Variants in TMTC2 observed in about 807,000 individuals in gnomAD.
TMTC2 encodes protein O-mannosyl-transferase TMTC2.
Under a neutral mutation model 82.4 loss-of-function variants are expected in TMTC2, and 43 were observed. The ratio of observed to expected loss-of-function variants is 0.52; its 90% CI spans 0.41 to 0.67. TMTC2 has a LOEUF of 0.67. TMTC2 is among the 30% of genes least tolerant of loss of function. The probability of loss-of-function intolerance (pLI) is 0.00; values close to 1 mark genes in which losing one functional copy is unlikely to be tolerated. For synonymous variants in TMTC2, 408 were observed against 381.9 expected (o/e 1.07, Z -0.80); for missense variants, 919 against 1,012.4 (o/e 0.91, Z 1.25).
intron 1 of TMTC2, among the ~76,000 whole-genome samples, chr12:82,789,362 A>G (rs1282445518): frequency 6.6e-6 from 1 of 152,170 alleles, no homozygotes; most frequent in East Asian, 1.9e-4. Context: ...GGAGGAACAA[A>G]TAGGCTTAAG....
intron 9 of TMTC2, among the ~76,000 whole-genome samples, chr12:83,045,166 A>G (rs1393392267): frequency 1.3e-5 from 2 of 152,194 alleles, no homozygotes; most frequent in Admixed American, 6.5e-5. Context: ...ACTTTAGCCC[A>G]TGAGGAGATT....
chr12:83,036,662 T>C (rs1881676166), intron 9 of TMTC2, among the ~76,000 whole-genome samples: 1 of 152,138 alleles, frequency 6.6e-6, no homozygotes, highest in Admixed American at 6.5e-5. Context: ...AATCCGGAAC[T>C]TTCTACTGTT....
In TMTC2 at chr12:82,827,864, A is replaced by AT. The variant is rs752193757; in HGVS notation, c.84-29137dup. On this transcript the variant is annotated intron_variant, in intron 1 of 11. Transcript: ENST00000321196. The stretch of plus-strand genomic sequence containing the variant: ...GGATGCCTGCCACCATGTCCAGCTT[A>AT]TTTTTTTTTCTTTTTCTTTTTTCGT... Among the ~76,000 whole-genome samples the AT allele has an allele frequency of 7.4e-3, 1,039 of 140,782 alleles. 7 individuals carry two copies. The highest frequency in any genetic ancestry group is 0.012 in the Non-Finnish European group (743 of 63,894). 92.4% of individuals were successfully genotyped at this position (140,782 alleles called of 152,430 possible).
At chr12:82,825,830 T>C (rs1869388839) in intron 1 of TMTC2, among the ~76,000 whole-genome samples, 1 of 151,684 alleles carries the variant, frequency 6.6e-6, no homozygotes, top group Non-Finnish European at 1.5e-5. Context: ...GTCTTCTCAG[T>C]GTGTTCACTC....
chr12:83,116,124 C>T (rs1034457387), intron 11 of TMTC2, among the ~76,000 whole-genome samples: 2 of 152,150 alleles, frequency 1.3e-5, no homozygotes, highest in Non-Finnish European at 2.9e-5. Flanking sequence ...CATTCTTACG[C>T]CTTTGCATCC....
chr12:82,775,170 G>T lies in TMTC2; in HGVS notation c.84-81840G>T, dbSNP rs773953922. On this transcript the variant is annotated intron_variant, in intron 1 of 11. Coordinates refer to ENST00000321196, the MANE Select transcript of TMTC2 (RefSeq NM_152588.3). Reference sequence around the variant, plus strand: ...AATAAAGATAGAAACAAGATTCCCGGCCAAGCACAATGACTCACACCTGTA... The same window carrying T: ...AATAAAGATAGAAACAAGATTCCCGTCCAAGCACAATGACTCACACCTGTA... Among the ~76,000 whole-genome samples, 91 of 152,048 alleles carry T rather than the reference G, an allele frequency of 6.0e-4. 1 individual carries two copies. Among genetic ancestry groups the T allele is most frequent in the Non-Finnish European group, 5.3e-4 (36 of 68,026 alleles).
At chr12:83,005,387 T>A (rs1448000562) in intron 8 of TMTC2, among the ~76,000 whole-genome samples, 1 of 149,640 alleles carries the variant, frequency 6.7e-6, no homozygotes, top group Non-Finnish European at 1.5e-5. Flanking sequence ...GCCTAGCACC[T>A]CTTTTGTGAT....
chr12:83,038,025 A>T (rs1881731900), intron 9 of TMTC2, among the ~76,000 whole-genome samples: 1 of 151,710 alleles, frequency 6.6e-6, no homozygotes, highest in Non-Finnish European at 1.5e-5. Context: ...TTCTCAGCAA[A>T]CTATCGCAAG....
At chr12:82,737,619 T>C (rs1176930725) in intron 1 of TMTC2, among the ~76,000 whole-genome samples, 2 of 152,214 alleles carry the variant, frequency 1.3e-5, no homozygotes, top group African/African-American at 4.8e-5. Context: ...GTTTTGTTTG[T>C]ATACATTTTG....
At chr12:83,083,484 G>A (rs922028115) in intron 11 of TMTC2, among the ~76,000 whole-genome samples, 5 of 151,928 alleles carry the variant, frequency 3.3e-5, no homozygotes, top group Non-Finnish European at 7.4e-5. Context: ...TCCCATCTAC[G>A]GTCTGTGTAT....
intron 1 of TMTC2, among the ~76,000 whole-genome samples, chr12:82,709,115 C>T (rs1873508766): frequency 6.7e-6 from 1 of 148,924 alleles, no homozygotes. Context: ...CAAGAAAAAG[C>T]CATGTTTTTG....
intron 11 of TMTC2, among the ~76,000 whole-genome samples, chr12:83,082,516 T>C (rs1883505050): frequency 6.6e-6 from 1 of 152,232 alleles, no homozygotes; most frequent in African/African-American, 2.4e-5. Context: ...TCCTTGACAA[T>C]ATAGACTGTG....
At chr12:82,844,392 A>AC (rs1398439330) in intron 1 of TMTC2, among the ~76,000 whole-genome samples, 6 of 152,228 alleles carry the variant, frequency 3.9e-5, no homozygotes, top group African/African-American at 1.4e-4. Flanking sequence ...TTGGATAATC[A>AC]AATCCCTAGG....
At chr12:82,760,455 C>T (rs1349208524) in intron 1 of TMTC2, 3 of 141,450 alleles carry the variant, frequency 2.1e-5, no homozygotes, top group Non-Finnish European at 4.5e-5. Flanking sequence ...TTGGCTTGCA[C>T]TGTGCCCAGG....
intron 11 of TMTC2, among the ~76,000 whole-genome samples, chr12:83,094,417 A>T (rs1883953810): frequency 6.6e-6 from 1 of 152,232 alleles, no homozygotes; most frequent in African/African-American, 2.4e-5. Context: ...CTTGAGATCT[A>T]TAGTGATAAG....
At chr12:82,744,894 G>T (rs1875607563) in intron 1 of TMTC2, among the ~76,000 whole-genome samples, 1 of 152,114 alleles carries the variant, frequency 6.6e-6, no homozygotes, top group African/African-American at 2.4e-5. Context: ...GTATCTTTCA[G>T]AAAATAACTT....
intron 1 of TMTC2, among the ~76,000 whole-genome samples, chr12:82,698,234 C>T (rs1251702737): frequency 6.6e-6 from 1 of 152,088 alleles, no homozygotes; most frequent in Non-Finnish European, 1.5e-5. Flanking sequence ...ACTGTATGTA[C>T]TGTGTAGTAG....
At chr12:82,779,926 A>G (rs1877811034) in intron 1 of TMTC2, among the ~76,000 whole-genome samples, 1 of 151,778 alleles carries the variant, frequency 6.6e-6, no homozygotes, top group Non-Finnish European at 1.5e-5. Flanking sequence ...AGTTCTCATG[A>G]TGTTACATGC....
At chr12:82,859,103 C>G (rs927589334) in intron 2 of TMTC2, among the ~76,000 whole-genome samples, 1 of 148,954 alleles carries the variant, frequency 6.7e-6, no homozygotes, top group South Asian at 2.1e-4. Flanking sequence ...GAGTCTCACA[C>G]TGTCGCCAGG....
Sources: allele counts gnomAD v4.1 joint callset (sites outside exome capture counted in the v4.1 genomes callset), GRCh38; gene constraint gnomAD v4.1.1; transcripts MANE v1.5; gene names NCBI Gene and HGNC (gene_info 2026-07-23, HGNC 2026-07-21).